KCNK12: variants seen among roughly 807,000 people sequenced by gnomAD.
KCNK12 encodes the protein potassium channel subfamily K member 12.
KCNK12 carries 6 observed loss-of-function variants against 25.3 expected under a neutral mutation model. The observed-to-expected ratio is 0.24, with a 90% CI of 0.13 to 0.47. The LOEUF (loss-of-function observed/expected upper bound fraction) is 0.47. Ranked by LOEUF, KCNK12 falls within the 20% of genes least tolerant of loss-of-function variation. The probability of loss-of-function intolerance (pLI) is 0.99; values close to 1 mark genes in which losing one functional copy is unlikely to be tolerated. For missense variants in KCNK12, 444 were observed against 661.7 expected, an observed-to-expected ratio of 0.67 and a Z score of 3.61; for synonymous variants, 331 against 311.1, an observed-to-expected ratio of 1.06 and a Z score of -0.67.
rs1668446560 is a variant in KCNK12 at position 47,513,270 on chromosome 2, G to C, written c.*7637C>G. ...AAGAAGCTCACACTCCCCTGCGGCT[G>C]CTTCTGCCAAGGTCACTGATATTTC... is the stretch of plus-strand genomic sequence containing the variant. On this transcript the variant is annotated 3_prime_UTR_variant, in exon 2 of 2. Coordinates refer to ENST00000327876, the MANE Select transcript of KCNK12 (RefSeq NM_022055.2). 6.6e-6 allele frequency: 1 copy of C among 152,222 alleles called. No homozygotes were observed. The highest frequency in any genetic ancestry group is 1.5e-5 in the Non-Finnish European group (1 of 68,044). The allele number at this position is 152,222 out of a possible 1,614,324, so 9.4% of individuals were successfully genotyped here.
intron 1 of KCNK12, among the ~76,000 whole-genome samples, chr2:47,530,541 T>C (rs1668897551): frequency 6.6e-6 from 1 of 152,168 alleles, no homozygotes; most frequent in African/African-American, 2.4e-5. Context: ...ACTGCTGTTG[T>C]GTATCGAGCC....
intron 1 of KCNK12, among the ~76,000 whole-genome samples, chr2:47,534,186 G>A (rs1248271753): frequency 2.0e-5 from 3 of 151,990 alleles, no homozygotes; most frequent in Non-Finnish European, 4.4e-5. Flanking sequence ...AATCGACTTT[G>A]TACCTCGGCA....
chr2:47,536,634 G>T (rs1334773910), intron 1 of KCNK12, among the ~76,000 whole-genome samples: 2 of 152,206 alleles, frequency 1.3e-5, no homozygotes, highest in Middle Eastern at 3.2e-3. Flanking sequence ...ACACAATTGA[G>T]CTTACTGGCT....
At position 47,511,888 on chromosome 2, in the gene KCNK12, A is replaced by C. The variant is rs971928538; in HGVS notation, c.*9019T>G. Among the ~76,000 whole-genome samples, 9 of 152,366 alleles carry C rather than the reference A, an allele frequency of 5.9e-5. No individual in the cohort carries two copies. The East Asian group carries it at 1.3e-3, about 23-fold the overall frequency. On this transcript the variant is annotated 3_prime_UTR_variant, in exon 2 of 2. Transcript: ENST00000327876. The surrounding 1 kb of genome is among the most constrained non-coding windows in gnomAD (Gnocchi z 4.3). ...GCTATTGAACACTTGAAATGGGGTT[A>C]GTGCAATTGACGAGCTGAAAATGTA...
In KCNK12 at chr2:47,529,555, T is replaced by C. The variant is rs760896456; in HGVS notation, c.392-7747A>G. ...AATCATTCTCCCAGCCTGTACTATA[T>C]TGAGTAGCAGCCAGGCTACTTGGAG... is the stretch of plus-strand genomic sequence containing the variant. On this transcript the variant is annotated intron_variant, in intron 1 of 1. Transcript: ENST00000327876. The surrounding 1 kb of genome is among the most constrained non-coding windows in gnomAD (Gnocchi z 4.3). 6.6e-6 allele frequency among the ~76,000 whole-genome samples: 1 copy of C among 152,236 alleles called. No homozygotes were observed. Among genetic ancestry groups the C allele is most frequent in the Admixed American group, 6.5e-5 (1 of 15,288 alleles).
chr2:47,509,821 G>A lies in KCNK12; in HGVS notation c.*11086C>T, dbSNP rs1668357104. Among the ~76,000 whole-genome samples the A allele has an allele frequency of 6.6e-6, 1 of 152,138 alleles. No individual in the cohort carries two copies. Among genetic ancestry groups the A allele is most frequent in the Admixed American group, 6.5e-5 (1 of 15,278 alleles). On this transcript the variant is annotated 3_prime_UTR_variant, in exon 2 of 2. Coordinates refer to ENST00000327876, the MANE Select transcript of KCNK12 (RefSeq NM_022055.2). ...CCCCTCCAATTTGTGTAAGGCCAGGGGACTTCCCCCCCACTCCCCAACCTG... is the reference window on the plus strand; with the variant it reads ...CCCCTCCAATTTGTGTAAGGCCAGGAGACTTCCCCCCCACTCCCCAACCTG...
At chr2:47,539,763 C>T (rs945148803) in intron 1 of KCNK12, among the ~76,000 whole-genome samples, 4 of 152,174 alleles carry the variant, frequency 2.6e-5, no homozygotes, top group Non-Finnish European at 4.4e-5. Context: ...GGGGAAGAAA[C>T]GGACGCAGGT....
intron 1 of KCNK12, among the ~76,000 whole-genome samples, chr2:47,552,843 C>T (rs981953712): frequency 2.0e-5 from 3 of 152,134 alleles, no homozygotes; most frequent in African/African-American, 7.2e-5. Context: ...CCTGTGTGGG[C>T]ATGATGTCAA....
intron 1 of KCNK12, among the ~76,000 whole-genome samples, chr2:47,527,274 C>T (rs1015637492): frequency 2.6e-5 from 4 of 152,208 alleles, no homozygotes; most frequent in Non-Finnish European, 5.9e-5. Context: ...GTCCTCTGTC[C>T]TCTCTGGCCT....
chr2:47,521,368 G>A lies in KCNK12; in HGVS notation c.832C>T (p.Leu278=). The change falls in exon 2 of 2, where the codon CTG becomes TTG. Residue 278 remains leucine (L), a synonymous_variant. Coordinates refer to ENST00000327876, the MANE Select transcript of KCNK12 (RefSeq NM_022055.2). Reference sequence around the variant, plus strand: ...AGCAGGATGAAGAGGAAGTTGCCCAGGCGGTAGAGCCCCTGGTTCCGGTAG... The same window carrying A: ...AGCAGGATGAAGAGGAAGTTGCCCAAGCGGTAGAGCCCCTGGTTCCGGTAG... ...AAYRNQGLYR[L]GNFLFILLGV... 6.2e-7 allele frequency: 1 copy of A among 1,613,714 alleles called. No homozygotes were observed. The highest frequency in any genetic ancestry group is 8.5e-7 in the Non-Finnish European group (1 of 1,179,858).
chr2:47,553,667 G>T (rs927096177), intron 1 of KCNK12, among the ~76,000 whole-genome samples: 1 of 152,194 alleles, frequency 6.6e-6, no homozygotes, highest in Non-Finnish European at 1.5e-5. Context: ...AAATAGTCAT[G>T]ATCACATTAC....
In KCNK12 at chr2:47,566,253, A is replaced by T. The variant is rs1176111810; in HGVS notation, c.391+3688T>A. ...GGATACGGGGCCCTGTTCAAACCAA[A>T]TATCAGGACAAACATTCTACTTCAT... is the stretch of plus-strand genomic sequence containing the variant. On this transcript the variant is annotated intron_variant, in intron 1 of 1. Transcript: ENST00000327876. This position sits in a 1 kb window ranked among gnomAD's most constrained non-coding sequence, Gnocchi z 4.1. 1 of 152,196 alleles carries T rather than the reference A, an allele frequency of 6.6e-6. No homozygotes were observed. The highest frequency in any genetic ancestry group is 6.5e-5 in the Admixed American group (1 of 15,280). 9.4% of individuals were successfully genotyped at this position (152,196 alleles called of 1,614,324 possible). A position where few individuals can be genotyped will look rare whatever the true frequency, so the allele number is the denominator to read the frequency against.
rs1668517631 is a variant in KCNK12, at chr2:47,516,078, C to G, written c.*4829G>C. 6.6e-6 allele frequency among the ~76,000 whole-genome samples: 1 copy of G among 152,136 alleles called. No individual in the cohort carries two copies. The highest frequency in any genetic ancestry group is 2.1e-4 in the South Asian group (1 of 4,818). On this transcript the variant is annotated 3_prime_UTR_variant, in exon 2 of 2. Transcript: ENST00000327876. The stretch of plus-strand genomic sequence containing the variant: ...CACTTTAGAGATGAGGAAACAGGAT[C>G]AGAGTGAGCTAAATGACTGCCAGAT...
Position 47,558,919 on chromosome 2 carries a change from G to A in KCNK12, c.391+11022C>T, listed in dbSNP as rs565680031. ...GTGTGAAGCAACCTCCAGTTTCTAA[G>A]GAATGTGTCCTGGGCAGGTGAAGAG... On this transcript the variant is annotated intron_variant, in intron 1 of 1. Coordinates refer to ENST00000327876, the MANE Select transcript of KCNK12 (RefSeq NM_022055.2). 3.9e-5 allele frequency among the ~76,000 whole-genome samples: 6 copies of A among 152,230 alleles called. No individual in the cohort carries two copies. In the South Asian group the frequency reaches 1.2e-3, roughly 31 times the overall value.
Position 47,521,524 on chromosome 2 carries a change from G to T in KCNK12, c.676C>A (p.Leu226Met). The T allele has an allele frequency of 1.9e-6, 3 of 1,576,558 alleles. No homozygotes were observed. Among genetic ancestry groups the T allele is most frequent in the Non-Finnish European group, 2.6e-6 (3 of 1,161,290 alleles). ...ATGGCCGAGGCGCAGCAGGACAGCA[G>T]CACGGCGAACAGGCCCAGGATGAGC... ...VLLILGLFAV[L>M]LSCCASAMYT... Residue 226 changes from leucine to methionine, a missense_variant, in exon 2 of 2, where the codon CTG becomes ATG. Coordinates refer to ENST00000327876, the MANE Select transcript of KCNK12 (RefSeq NM_022055.2).
intron 1 of KCNK12, among the ~76,000 whole-genome samples, chr2:47,526,059 G>A (rs1255649041): frequency 2.0e-5 from 3 of 152,070 alleles, no homozygotes; most frequent in Non-Finnish European, 4.4e-5. Context: ...AACTGAGAAC[G>A]AGTCTCAATC....
rs1215310518 is a variant in KCNK12, at chr2:47,517,276, C to A, written c.*3631G>T. The A allele has an allele frequency of 6.6e-6, 1 of 152,198 alleles. No individual in the cohort carries two copies. Among genetic ancestry groups the A allele is most frequent in the Non-Finnish European group, 1.5e-5 (1 of 68,056 alleles). 9.4% of individuals were successfully genotyped at this position (152,198 alleles called of 1,614,324 possible). A position where few individuals can be genotyped will look rare whatever the true frequency, so the allele number is the denominator to read the frequency against. On this transcript the variant is annotated 3_prime_UTR_variant, in exon 2 of 2. Coordinates refer to ENST00000327876, the MANE Select transcript of KCNK12 (RefSeq NM_022055.2). This position sits in a 1 kb window ranked among gnomAD's most constrained non-coding sequence, Gnocchi z 4.1. ...CCTTTGGCCATGAGGGCTCAGTCAT[C>A]CCTCACCCCAGAGTCCACAGGAAGA...
chr2:47,539,143 C>T (rs1669139561), intron 1 of KCNK12, among the ~76,000 whole-genome samples: 1 of 152,138 alleles, frequency 6.6e-6, no homozygotes, highest in African/African-American at 2.4e-5. Context: ...CATCATTGCT[C>T]CCATTTTGTA....
At chr2:47,523,549 A>G (rs1668706599) in intron 1 of KCNK12, among the ~76,000 whole-genome samples, 2 of 152,194 alleles carry the variant, frequency 1.3e-5, no homozygotes, top group African/African-American at 4.8e-5. Context: ...TTATCAATTG[A>G]TTTCTGCAGA....
Sources: gnomAD v4.1 joint callset for allele counts (sites outside exome capture counted in the v4.1 genomes callset) on GRCh38, gnomAD v4.1.1 for gene constraint, Gnocchi (gnomAD v3.1) non-coding constraint, MANE v1.5 for transcripts, NCBI Gene and HGNC (gene_info 2026-07-23, HGNC 2026-07-21) for gene names.